IL31RA: variants seen among roughly 807,000 people sequenced by gnomAD.
The protein encoded by IL31RA is interleukin-31 receptor subunit alpha.
IL31RA carries 66 observed loss-of-function variants against 83.7 expected under a neutral mutation model. The observed-to-expected ratio is 0.79, with a 90% CI of 0.65 to 0.97. IL31RA has a LOEUF of 0.97. Among genes scored for constraint, IL31RA ranks in the 50% least tolerant of loss-of-function variants. The pLI, the probability that IL31RA is intolerant of heterozygous loss-of-function variation, is 0.00. For synonymous variants in IL31RA, 325 were observed against 329.0 expected (o/e 0.99, Z 0.13); for missense variants, 798 against 919.4 (o/e 0.87, Z 1.71).
chr5:55,874,425 T>C (rs1746710969), intron 4 of IL31RA, among the ~76,000 whole-genome samples: 1 of 152,128 alleles, frequency 6.6e-6, no homozygotes, highest in Non-Finnish European at 1.5e-5. Context: ...TATTAGCTTG[T>C]CAATTTCTGC....
rs72763894 is a variant in IL31RA at position 55,919,826 on chromosome 5, A to T, written c.*2706A>T. On this transcript the variant is annotated 3_prime_UTR_variant, in exon 15 of 15. Transcript: ENST00000652347. Reference sequence around the variant, plus strand: ...GCAGGTGACTTCCTCTCCTGGATCGAGTCACCAACTGTCCCCGCTCTGGGC... The same window carrying T: ...GCAGGTGACTTCCTCTCCTGGATCGTGTCACCAACTGTCCCCGCTCTGGGC... Among the ~76,000 whole-genome samples the T allele has an allele frequency of 0.047, 7,131 of 152,250 alleles. 213 individuals are homozygous for T. The highest frequency in any genetic ancestry group is 0.078 in the Middle Eastern group (23 of 294).
At chr5:55,848,754 G>A (rs66832358), upstream of IL31RA, among the ~76,000 whole-genome samples, 2 of 152,068 alleles carry the variant, frequency 1.3e-5, no homozygotes, top group Admixed American at 1.3e-4. Flanking sequence ...GGTGTGAGAT[G>A]GGGGGGCTGC....
In IL31RA at chr5:55,919,192, G is replaced by C. The variant is rs1749969975; in HGVS notation, c.*2072G>C. ...GGGGGAGGGCACGGGTACCCCCACA[G>C]CTGTTCTTTCAACCCTCCTGCCCAC... On this transcript the variant is annotated 3_prime_UTR_variant, in exon 15 of 15. Transcript: ENST00000652347. Among the ~76,000 whole-genome samples, 1 of 152,098 alleles carries C rather than the reference G, an allele frequency of 6.6e-6. No individual in the cohort carries two copies. Among genetic ancestry groups the C allele is most frequent in the East Asian group, 1.9e-4 (1 of 5,182 alleles).
chr5:55,875,263 A>G lies in IL31RA; in HGVS notation c.454+2812A>G, dbSNP rs141505044. Among the ~76,000 whole-genome samples the G allele has an allele frequency of 4.5e-3, 684 of 152,120 alleles. 10 individuals are homozygous for G. Among genetic ancestry groups the G allele is most frequent in the African/African-American group, 0.016 (652 of 41,510 alleles). ...TCTTTTTATATGTCGCTGAATTTGG[A>G]TTCCTGGTTTTTTATTGAGGATTTT... On this transcript the variant is annotated intron_variant, in intron 4 of 14. Coordinates refer to ENST00000652347, the MANE Select transcript of IL31RA (RefSeq NM_139017.7).
chr5:55,904,290 C>T (rs1749000056), intron 8 of IL31RA, among the ~76,000 whole-genome samples: 1 of 152,076 alleles, frequency 6.6e-6, no homozygotes, highest in South Asian at 2.1e-4. Context: ...TGAGTGACAT[C>T]TCATAGTCAT....
chr5:55,910,491 T>C, intron 11 of IL31RA, 41 bp from the exon 12 acceptor site: 2 of 1,613,340 alleles, frequency 1.2e-6, no homozygotes, highest in South Asian at 2.2e-5. Flanking sequence ...ATTTTCAGTC[T>C]GGTTTGGCTG....
intron 6 of IL31RA, among the ~76,000 whole-genome samples, chr5:55,893,510 G>A (rs1015858818): frequency 6.6e-6 from 1 of 152,150 alleles, no homozygotes; most frequent in Non-Finnish European, 1.5e-5. Flanking sequence ...CATTTTGGTT[G>A]ATTTGGAAAA....
rs537920362 is a variant in IL31RA at position 55,882,941 on chromosome 5, C to T, written c.455-103C>T. The T allele has an allele frequency of 3.7e-6, 4 of 1,071,218 alleles. No individual in the cohort carries two copies. The Admixed American group carries it at 5.2e-5, about 14-fold the overall frequency. The allele number at this position is 1,071,218 out of a possible 1,614,324, so 66.4% of individuals were successfully genotyped here. On this transcript the variant is annotated intron_variant, in intron 4 of 14. Coordinates refer to ENST00000652347, the MANE Select transcript of IL31RA (RefSeq NM_139017.7). ...CAAATGCCATCTTCGTTCCATATAG[C>T]AGACCACAATGCACGTATCATTTTT...
intron 4 of IL31RA, among the ~76,000 whole-genome samples, chr5:55,876,590 G>A (rs1580684825): frequency 6.6e-6 from 1 of 152,156 alleles, no homozygotes. Flanking sequence ...ATATGCATCA[G>A]TTTTTGACTT....
chr5:55,850,603 T>G (rs958784873), upstream of IL31RA, among the ~76,000 whole-genome samples: 1 of 152,200 alleles, frequency 6.6e-6, no homozygotes, highest in African/African-American at 2.4e-5. Flanking sequence ...TTCTTTCAAG[T>G]TTTTTCCCCC....
chr5:55,894,112 C>G (rs1185243370), intron 6 of IL31RA, among the ~76,000 whole-genome samples: 1 of 151,666 alleles, frequency 6.6e-6, no homozygotes, highest in Non-Finnish European at 1.5e-5. Context: ...TAATGAACAC[C>G]TTGTCTTTAG....
chr5:55,887,326 C>T (rs1747676004), intron 5 of IL31RA, among the ~76,000 whole-genome samples: 1 of 152,214 alleles, frequency 6.6e-6, no homozygotes, highest in African/African-American at 2.4e-5. Flanking sequence ...GTTTGCCATC[C>T]ATGTGACCTT....
At chr5:55,882,128 G>A (rs1050631637) in intron 4 of IL31RA, among the ~76,000 whole-genome samples, 5 of 152,268 alleles carry the variant, frequency 3.3e-5, no homozygotes, top group Non-Finnish European at 7.3e-5. Flanking sequence ...GCAAGGCAGC[G>A]TGACAATGGT....
upstream of IL31RA, among the ~76,000 whole-genome samples, chr5:55,846,574 G>A (rs888861191): frequency 2.6e-5 from 4 of 152,124 alleles, no homozygotes; most frequent in African/African-American, 4.8e-5. Flanking sequence ...TGAGGTGGGC[G>A]GATCACGAGG....
chr5:55,870,219 T>C (rs1211938132), intron 3 of IL31RA, among the ~76,000 whole-genome samples: 1 of 152,238 alleles, frequency 6.6e-6, no homozygotes, highest in African/African-American at 2.4e-5. Context: ...CCATGGACAC[T>C]GAAATGTGAA....
chr5:55,871,833 C>T (rs577859121), intron 3 of IL31RA, among the ~76,000 whole-genome samples: 1 of 151,864 alleles, frequency 6.6e-6, no homozygotes, highest in South Asian at 2.1e-4. Flanking sequence ...CCATCACTTA[C>T]ATTCTATTTA....
chr5:55,880,925 C>T (rs1747170905), intron 4 of IL31RA, among the ~76,000 whole-genome samples: 1 of 152,158 alleles, frequency 6.6e-6, no homozygotes, highest in African/African-American at 2.4e-5. Flanking sequence ...GTTCTTGCCT[C>T]CTCGGAAGAA....
At chr5:55,840,912 A>T in the IL31RA span, among the ~76,000 whole-genome samples, 1 of 152,154 alleles carries the variant, frequency 6.6e-6, no homozygotes, top group Non-Finnish European at 1.5e-5. Context: ...AATGGCTGCG[A>T]TCTTCATCTT....
rs1375637987 is a variant in IL31RA at position 55,921,114 on chromosome 5, G to C, written c.*3994G>C. 2.0e-5 allele frequency among the ~76,000 whole-genome samples: 3 copies of C among 152,318 alleles called. No homozygotes were observed. The highest frequency in any genetic ancestry group is 3.4e-3 in the Middle Eastern group (1 of 294). On this transcript the variant is annotated 3_prime_UTR_variant, in exon 15 of 15. Coordinates refer to ENST00000652347, the MANE Select transcript of IL31RA (RefSeq NM_139017.7). ...CCTCTGCCTTCTAGATCCACACACAGTGTTCACATGGGTGAGACTCCCCTC... is the reference window on the plus strand; with the variant it reads ...CCTCTGCCTTCTAGATCCACACACACTGTTCACATGGGTGAGACTCCCCTC...
Sources: gnomAD v4.1 joint callset for allele counts (sites outside exome capture counted in the v4.1 genomes callset) on GRCh38, gnomAD v4.1.1 for gene constraint, MANE v1.5 for transcripts, NCBI Gene and HGNC (gene_info 2026-07-23, HGNC 2026-07-21) for gene names.